Variants in LPIN2 observed in about 807,000 individuals in gnomAD.
The protein encoded by LPIN2 is phosphatidate phosphatase LPIN2.
LPIN2 carries 55 observed loss-of-function variants against 111.4 expected under a neutral mutation model. The observed-to-expected ratio is 0.49, with a 90% confidence interval of 0.40 to 0.62. The LOEUF is 0.62. Among genes scored for constraint, LPIN2 ranks in the 20% least tolerant of loss-of-function variants. The pLI is 0.00. For missense variants in LPIN2, 992 were observed against 1,112.1 expected (o/e 0.89, Z 1.54); for synonymous variants, 425 against 414.0 (o/e 1.03, Z -0.32).
At chr18:2,921,953 A>G in intron 17 of LPIN2, 94 bp downstream of exon 17, 4 of 1,475,010 alleles carry the variant, frequency 2.7e-6, no homozygotes, top group South Asian at 2.7e-5. Context: ...CGGCTCCAAC[A>G]TCTGACTTCT....
Position 2,960,825 on chromosome 18 carries a change from G to A in LPIN2, c.16C>T (p.Gln6Ter). Reference sequence around the variant, plus strand: ...GTGACAATCACCTGCCCAGCCAGCTGTCCCACATAATTCATGGTTTGAGAC... The same window carrying A: ...GTGACAATCACCTGCCCAGCCAGCTATCCCACATAATTCATGGTTTGAGAC... The part of the protein sequence containing the change: MNYVG[Q>*]LAGQVIVTVK... Residue 6 changes from glutamine to a stop codon, truncating the protein, a stop_gained, in exon 2 of 20, where the codon CAG becomes TAG. Transcript: ENST00000677752. LOFTEE classifies it high-confidence loss of function. 6.2e-7 allele frequency: 1 copy of A among 1,613,978 alleles called. No individual in the cohort carries two copies. The highest frequency in any genetic ancestry group is 1.3e-5 in the African/African-American group (1 of 75,016).
intron 15 of LPIN2, 41 bp downstream of exon 15, chr18:2,924,357 C>T (rs368307239): frequency 1.6e-5 from 25 of 1,612,798 alleles, no homozygotes; most frequent in African/African-American, 6.7e-5. Flanking sequence ...TCCCTGAGCA[C>T]GGGGCTGTTC....
At position 2,939,539 on chromosome 18, in the gene LPIN2, G is replaced by A. The variant is rs774861141; in HGVS notation, c.763C>T (p.Leu255=). 6.2e-7 allele frequency: 1 copy of A among 1,614,114 alleles called. No individual in the cohort carries two copies. Among genetic ancestry groups the A allele is most frequent in the Non-Finnish European group, 8.5e-7 (1 of 1,179,980 alleles). Residue 255 remains leucine, a synonymous_variant, in exon 6 of 20, where the codon CTG becomes TTG. Coordinates refer to ENST00000677752, the MANE Select transcript of LPIN2 (RefSeq NM_001375808.2). ...SELEVKPAES[L]LRSESHMEWT... is the part of the protein sequence containing the mutation. Reference sequence around the variant, plus strand: ...TCCATGTGAGACTCTGATCTGAGCAGGCTCTCCGCAGGTTTCACCTCCAGC... The same window carrying A: ...TCCATGTGAGACTCTGATCTGAGCAAGCTCTCCGCAGGTTTCACCTCCAGC...
At position 2,922,126 on chromosome 18, in the gene LPIN2, A is replaced by C. The variant is rs200601566; in HGVS notation, c.2248T>G (p.Trp750Gly). The change falls in exon 17 of 20, where the codon TGG becomes GGG. Residue 750 changes from tryptophan to glycine, a missense_variant. By Grantham distance (184) the Trp-to-Gly change is radical. Coordinates refer to ENST00000677752, the MANE Select transcript of LPIN2 (RefSeq NM_001375808.2). Reference protein sequence around the residue: ...MADMTRGYLHWVNDKGTILPR... With the variant: ...MADMTRGYLHGVNDKGTILPR... ...AAGATTGTGCCCTTGTCATTGACCC[A>C]GTGCAGGTAGCCACGGGTCATGTCG... The C allele has an allele frequency of 6.2e-7, 1 of 1,614,114 alleles. No individual in the cohort carries two copies. The highest frequency in any genetic ancestry group is 2.2e-5 in the East Asian group (1 of 44,882).
At chr18:2,973,221 C>CA (rs974203730) in intron 1 of LPIN2, among the ~76,000 whole-genome samples, 77 of 152,170 alleles carry the variant, frequency 5.1e-4, no homozygotes, top group African/African-American at 1.8e-3. Flanking sequence ...ATACACTTTA[C>CA]AGGCAGGAAA....
intron 1 of LPIN2, among the ~76,000 whole-genome samples, chr18:3,007,647 T>C (rs943615187): frequency 6.6e-6 from 1 of 151,956 alleles, no homozygotes; most frequent in African/African-American, 2.4e-5. Flanking sequence ...CCTTAACTTA[T>C]GTTGGCTCAT....
intron 1 of LPIN2, among the ~76,000 whole-genome samples, chr18:3,001,488 G>T (rs1422455398): frequency 6.6e-6 from 1 of 152,076 alleles, no homozygotes; most frequent in Admixed American, 6.6e-5. Context: ...TATAAACAAT[G>T]AATATTAAGA....
chr18:2,949,092 C>T (rs575804312), intron 4 of LPIN2, among the ~76,000 whole-genome samples: 3 of 152,240 alleles, frequency 2.0e-5, no homozygotes, highest in South Asian at 2.1e-4. Flanking sequence ...CATGGGCTAC[C>T]GTGCCCGGCC....
chr18:2,922,302 TCTCA>T lies in LPIN2; in HGVS notation c.2175-107_2175-104del. ...CACTTTTCTTTCTTTTTTTTTTGAG[TCTCA>T]CTCTGTTACCCAGGCTGGAGTGCTG... On this transcript the variant is annotated intron_variant, in intron 16 of 19. Coordinates refer to ENST00000677752, the MANE Select transcript of LPIN2 (RefSeq NM_001375808.2). The T allele has an allele frequency of 3.7e-6, 5 of 1,337,216 alleles. No individual in the cohort carries two copies. In the South Asian group the frequency reaches 5.3e-5, roughly 14 times the overall value. 82.8% of individuals were successfully genotyped at this position (1,337,216 alleles called of 1,614,324 possible).
At chr18:2,943,810 G>T (rs1387811957) in intron 4 of LPIN2, among the ~76,000 whole-genome samples, 1 of 152,100 alleles carries the variant, frequency 6.6e-6, no homozygotes, top group Admixed American at 6.5e-5. Flanking sequence ...GAGTCTGGTT[G>T]CCAGATCTTT....
chr18:2,973,613 C>T (rs1248581277), intron 1 of LPIN2, among the ~76,000 whole-genome samples: 4 of 152,180 alleles, frequency 2.6e-5, no homozygotes, highest in South Asian at 2.1e-4. Context: ...TTCCAGGTTT[C>T]GGCAATTACA....
At chr18:2,942,681 G>T (rs1255428886) in intron 4 of LPIN2, among the ~76,000 whole-genome samples, 1 of 152,148 alleles carries the variant, frequency 6.6e-6, no homozygotes, top group Admixed American at 6.5e-5. Flanking sequence ...ATTAGTCTAG[G>T]CCCACTACAG....
At chr18:2,949,667 A>T (rs1209047544) in intron 4 of LPIN2, among the ~76,000 whole-genome samples, 7 of 152,262 alleles carry the variant, frequency 4.6e-5, no homozygotes, top group African/African-American at 1.4e-4. Flanking sequence ...GTAAAAAATT[A>T]CTATCAAATA....
chr18:2,929,147 C>T lies in LPIN2; in HGVS notation c.1468G>A (p.Glu490Lys). The T allele has an allele frequency of 6.2e-7, 1 of 1,600,886 alleles. No homozygotes were observed. The highest frequency in any genetic ancestry group is 8.6e-7 in the Non-Finnish European group (1 of 1,168,376). The stretch of plus-strand genomic sequence containing the variant: ...AATTCGTGATAAGTAATGATATGCT[C>T]CATGAATTTTTCTGCAATGTAAAAT... The part of the protein sequence containing the change: ...NGEISKEKFM[E>K]HIITYHEFAE... Residue 490 changes from glutamate (E) to lysine (K), a missense_variant, in exon 10 of 20, where the codon GAG becomes AAG. By Grantham distance (56) the Glu-to-Lys change is moderately conservative (BLOSUM62 1). Coordinates refer to ENST00000677752, the MANE Select transcript of LPIN2 (RefSeq NM_001375808.2).
chr18:2,960,315 T>C lies in LPIN2; in HGVS notation c.192+334A>G, dbSNP rs537601230. 2.0e-5 allele frequency among the ~76,000 whole-genome samples: 3 copies of C among 152,150 alleles called. No homozygotes were observed. The South Asian group carries it at 6.2e-4, about 32-fold the overall frequency. On this transcript the variant is annotated intron_variant, in intron 2 of 19. Coordinates refer to ENST00000677752, the MANE Select transcript of LPIN2 (RefSeq NM_001375808.2). ...TATAAGGTAAAGGAAATTTTTCTTT[T>C]TCTAAATATGTCTAAGTTCCCCCAT...
At chr18:2,921,304 A>G in intron 18 of LPIN2, 1 of 601,050 alleles carries the variant, frequency 1.7e-6, no homozygotes, top group Non-Finnish European at 2.9e-6. Context: ...CAGCCACAGA[A>G]ACGATGGAAA....
In LPIN2 at chr18:2,951,092, C is replaced by T. The variant is rs148620026; in HGVS notation, c.553G>A (p.Val185Met). The change falls in exon 4 of 20, where the codon GTG becomes ATG. Residue 185 changes from valine (V) to methionine (M), a missense_variant. Physicochemically the swap from Val to Met is conservative, Grantham distance 21. Coordinates refer to ENST00000677752, the MANE Select transcript of LPIN2 (RefSeq NM_001375808.2). ...GCCCCCTTGTCATCATCGGAGCTCACGCCTACATCACATGTGTCTTCTGCA... is the reference window on the plus strand; with the variant it reads ...GCCCCCTTGTCATCATCGGAGCTCATGCCTACATCACATGTGTCTTCTGCA... Reference protein sequence around the residue: ...AAAEDTCDVGVSSDDDKGAQA... With the variant: ...AAAEDTCDVGMSSDDDKGAQA... 22 of 1,614,092 alleles carry T rather than the reference C, an allele frequency of 1.4e-5. No individual in the cohort carries two copies. Among genetic ancestry groups the T allele is most frequent in the Admixed American group, 1.3e-4 (8 of 60,008 alleles).
chr18:2,996,468 T>TC (rs2078344779), intron 1 of LPIN2, among the ~76,000 whole-genome samples: 3 of 3,394 alleles, frequency 8.8e-4, no homozygotes, highest in African/African-American at 1.0e-3. Context: ...GGAAAATATC[T>TC]TTTTTTTTTT....
rs114092562 is a variant in LPIN2 at position 3,001,940 on chromosome 18, T to A, written c.-10+11147A>T. ...AATATAAGCATTGTAAGGCTTTTTT[T>A]GTTTTGCTTTTAATTAGGAAAAGTT... On this transcript the variant is annotated intron_variant, in intron 1 of 19. Coordinates refer to ENST00000677752, the MANE Select transcript of LPIN2 (RefSeq NM_001375808.2). 6.5e-3 allele frequency among the ~76,000 whole-genome samples: 993 copies of A among 152,334 alleles called. 15 individuals carry two copies. The highest frequency in any genetic ancestry group is 0.022 in the African/African-American group (933 of 41,568).
Sources: gnomAD v4.1 joint callset for allele counts (sites outside exome capture counted in the v4.1 genomes callset) on GRCh38, gnomAD v4.1.1 for gene constraint, MANE v1.5 for transcripts, NCBI Gene and HGNC (gene_info 2026-07-23, HGNC 2026-07-21) for gene names.